Variants in CHD6 observed in about 807,000 individuals in gnomAD.
CHD6 encodes chromodomain helicase DNA binding protein 6, also known as ATP-dependent chromatin remodeler CHD6.
CHD6 carries 50 observed loss-of-function variants against 276.9 expected under a neutral mutation model. The observed-to-expected ratio is 0.18, with a 90% CI of 0.14 to 0.23. The LOEUF is 0.23. Among genes scored for constraint, CHD6 ranks in the 10% least tolerant of loss-of-function variants. The pLI, the probability that CHD6 is intolerant of heterozygous loss-of-function variation, is 1.00. For synonymous variants in CHD6, 1,173 were observed against 1,229.3 expected (o/e 0.95, Z 0.96); for missense variants, 2,564 against 3,365.8 (o/e 0.76, Z 5.89).
intron 1 of CHD6, among the ~76,000 whole-genome samples, chr20:41,582,607 A>G (rs2045552590): frequency 6.6e-6 from 1 of 152,240 alleles, no homozygotes; most frequent in Non-Finnish European, 1.5e-5. Context: ...CATATGAAAA[A>G]GCAAAAGCAG....
chr20:41,525,065 T>C (rs1484335086), intron 3 of CHD6, among the ~76,000 whole-genome samples: 1 of 152,166 alleles, frequency 6.6e-6, no homozygotes, highest in Non-Finnish European at 1.5e-5. Context: ...CTGGTGAGGC[T>C]CTCCTCTGCT....
chr20:41,468,754 C>T (rs2145759650), intron 17 of CHD6, among the ~76,000 whole-genome samples: 2 of 152,196 alleles, frequency 1.3e-5, no homozygotes, highest in Non-Finnish European at 2.9e-5. Context: ...GTGGCTCATG[C>T]CTGTAATCTC....
Position 41,514,811 on chromosome 20 carries a change from G to A in CHD6, c.696C>T (p.Asp232=), listed in dbSNP as rs2044211561. The A allele has an allele frequency of 1.2e-6, 2 of 1,613,896 alleles. No homozygotes were observed. The highest frequency in any genetic ancestry group is 1.7e-6 in the Non-Finnish European group (2 of 1,179,884). The change falls in exon 4 of 37, where the codon GAC becomes GAT. Residue 232 remains aspartate (D), a synonymous_variant. Coordinates refer to ENST00000373233, the MANE Select transcript of CHD6 (RefSeq NM_032221.5). The part of the protein sequence containing the change: ...RSPEESTEST[D]SQKRRSGRQV... ...CTCCCGGTCACAGCTGTACCTGGCTGTCTGTAGACTCAGTGGACTCCTCAG... is the reference window on the plus strand; with the variant it reads ...CTCCCGGTCACAGCTGTACCTGGCTATCTGTAGACTCAGTGGACTCCTCAG...
At chr20:41,491,624 G>A in intron 11 of CHD6, 74 bp downstream of exon 11, 6 of 1,577,828 alleles carry the variant, frequency 3.8e-6, no homozygotes, top group South Asian at 3.4e-5. Context: ...CTGCTACTGC[G>A]ACTCTAGGTG....
At chr20:41,506,557 C>T (rs1446854170) in intron 5 of CHD6, among the ~76,000 whole-genome samples, 1 of 152,196 alleles carries the variant, frequency 6.6e-6, no homozygotes, top group African/African-American at 2.4e-5. Flanking sequence ...CAATCCTCAC[C>T]CTGAATTCCA....
In CHD6 at chr20:41,469,706, C is replaced by T. The variant is rs536110270; in HGVS notation, c.2664+3616G>A. Among the ~76,000 whole-genome samples the T allele has an allele frequency of 3.3e-5, 5 of 152,314 alleles. No homozygotes were observed. The South Asian group carries it at 1.0e-3, about 32-fold the overall frequency. On this transcript the variant is annotated intron_variant, in intron 17 of 36. Transcript: ENST00000373233. ...AACTGATAACCTTCAATTTTGTACA[C>T]ACATTGATGCGAATACAGACATATT...
At chr20:41,559,621 A>G (rs1016001243) in intron 1 of CHD6, among the ~76,000 whole-genome samples, 5 of 152,120 alleles carry the variant, frequency 3.3e-5, no homozygotes, top group African/African-American at 1.2e-4. Context: ...TATAAAACCC[A>G]ATCCTTAAAT....
chr20:41,539,787 G>A (rs1216655912), intron 2 of CHD6, among the ~76,000 whole-genome samples: 1 of 152,052 alleles, frequency 6.6e-6, no homozygotes, highest in African/African-American at 2.4e-5. Context: ...AGAGAAAAAA[G>A]CTATAATAAC....
intron 1 of CHD6, among the ~76,000 whole-genome samples, chr20:41,607,238 G>A (rs1288986612): frequency 3.3e-5 from 5 of 152,254 alleles, no homozygotes; most frequent in African/African-American, 9.6e-5. Context: ...CAATTTTCAA[G>A]TACCCATTTA....
chr20:41,581,078 A>C (rs2045533398), intron 1 of CHD6, among the ~76,000 whole-genome samples: 1 of 152,220 alleles, frequency 6.6e-6, no homozygotes, highest in Non-Finnish European at 1.5e-5. Flanking sequence ...TTCTACTCAA[A>C]GAACTTATCT....
chr20:41,484,340 C>A lies in CHD6; in HGVS notation c.2257+12G>T. On this transcript the variant is annotated intron_variant, in intron 15 of 36. Coordinates refer to ENST00000373233, the MANE Select transcript of CHD6 (RefSeq NM_032221.5). Reference sequence around the variant, plus strand: ...GGCAGTCCTGAGTTACTTCCTAGTGCCCCTGACTCACCATTGATCAGGTAG... The same window carrying A: ...GGCAGTCCTGAGTTACTTCCTAGTGACCCTGACTCACCATTGATCAGGTAG... 1.2e-6 allele frequency: 2 copies of A among 1,613,450 alleles called. No individual in the cohort carries two copies. Among genetic ancestry groups the A allele is most frequent in the Non-Finnish European group, 1.7e-6 (2 of 1,179,614 alleles).
chr20:41,588,867 G>C (rs1380239748), intron 1 of CHD6, among the ~76,000 whole-genome samples: 1 of 152,092 alleles, frequency 6.6e-6, no homozygotes, highest in African/African-American at 2.4e-5. Context: ...CTAATCAAAA[G>C]GTGATTGGGG....
At chr20:41,410,112 G>A (rs1478746529) in intron 36 of CHD6, among the ~76,000 whole-genome samples, 1 of 152,186 alleles carries the variant, frequency 6.6e-6, no homozygotes, top group Non-Finnish European at 1.5e-5. Context: ...AGTTCCTTGT[G>A]AGATTTAAAT....
chr20:41,404,479 C>T lies in CHD6; in HGVS notation c.*114G>A, dbSNP rs80216136. On this transcript the variant is annotated 3_prime_UTR_variant, in exon 37 of 37. Transcript: ENST00000373233. ...TAGTTCTCAGACAGGAAATCAGGTA[C>T]GTAATCTTACTTATGGAAACACAGG... 34 of 1,389,620 alleles carry T rather than the reference C, an allele frequency of 2.4e-5. No homozygotes were observed. The East Asian group carries it at 5.9e-4, about 24-fold the overall frequency. 86.1% of individuals were successfully genotyped at this position (1,389,620 alleles called of 1,614,324 possible).
chr20:41,438,159 T>C (rs1485843226), intron 26 of CHD6, among the ~76,000 whole-genome samples: 2 of 152,206 alleles, frequency 1.3e-5, no homozygotes, highest in African/African-American at 4.8e-5. Flanking sequence ...GGAAGGGAGC[T>C]CTGCTGCCAC....
intron 3 of CHD6, among the ~76,000 whole-genome samples, chr20:41,530,631 C>G (rs549395501): frequency 2.4e-4 from 36 of 152,162 alleles, no homozygotes; most frequent in Admixed American, 5.9e-4. Flanking sequence ...TTCTGCCTAC[C>G]AGTAGGATCA....
intron 5 of CHD6, among the ~76,000 whole-genome samples, chr20:41,500,888 G>C (rs1282721771): frequency 3.9e-5 from 6 of 152,154 alleles, no homozygotes; most frequent in Non-Finnish European, 8.8e-5. Context: ...ACAGAGTAGA[G>C]ACAGCTATTT....
intron 16 of CHD6, among the ~76,000 whole-genome samples, chr20:41,482,031 G>A (rs1194575766): frequency 3.3e-5 from 5 of 151,948 alleles, no homozygotes; most frequent in Admixed American, 6.6e-5. Context: ...ACAATCTTAA[G>A]TAATTTGAAC....
At chr20:41,448,067 C>T in intron 23 of CHD6, 96 bp from the exon 24 acceptor site, 1 of 617,160 alleles carries the variant, frequency 1.6e-6, no homozygotes, top group Non-Finnish European at 2.8e-6. Context: ...CTGGGCATTC[C>T]CATGTAGTTA....
Sources: gnomAD v4.1 joint callset for allele counts (sites outside exome capture counted in the v4.1 genomes callset) on GRCh38, gnomAD v4.1.1 for gene constraint, MANE v1.5 for transcripts, NCBI Gene and HGNC (gene_info 2026-07-23, HGNC 2026-07-21) for gene names.